ATP8B4: variants seen among roughly 807,000 people sequenced by gnomAD.
The protein encoded by ATP8B4 is ATPase phospholipid transporting 8B4 (putative).
A neutral mutation model predicts 145.6 loss-of-function variants in ATP8B4; 133 were observed. The ratio of observed to expected loss-of-function variants is 0.91; its 90% CI spans 0.79 to 1.05. The LOEUF (loss-of-function observed/expected upper bound fraction) is 1.05, where lower values mean the gene tolerates loss of function less well. ATP8B4 is among the 50% of genes least tolerant of loss of function. The pLI is 0.00. For missense variants in ATP8B4, 1,458 were observed against 1,425.2 expected, an observed-to-expected ratio of 1.02 and a Z score of -0.37; for synonymous variants, 507 against 492.9, an observed-to-expected ratio of 1.03 and a Z score of -0.38.
intron 13 of ATP8B4, among the ~76,000 whole-genome samples, chr15:49,962,894 G>C (rs1465568134): frequency 1.3e-5 from 2 of 151,972 alleles, no homozygotes; most frequent in African/African-American, 4.8e-5. Context: ...CTTGGCATTG[G>C]AAGGTTTCAT....
At position 49,901,136 on chromosome 15, in the gene ATP8B4, T is replaced by C; in HGVS notation, c.2245A>G (p.Thr749Ala). Reference protein sequence around the residue: ...QLELDSIVEETITGDYALIIN... With the variant: ...QLELDSIVEEAITGDYALIIN... ...ATTAAGGCATAATCTCCTGTTATGGTTTCTTCTACAATAGAATCCAACTCC... is the reference window on the plus strand; with the variant it reads ...ATTAAGGCATAATCTCCTGTTATGGCTTCTTCTACAATAGAATCCAACTCC... The change falls in exon 21 of 28, where the codon ACC becomes GCC. Residue 749 changes from threonine (T) to alanine (A), a missense_variant. Coordinates refer to ENST00000284509, the MANE Select transcript of ATP8B4 (RefSeq NM_024837.4). 6.2e-7 allele frequency: 1 copy of C among 1,613,592 alleles called. No homozygotes were observed. The highest frequency in any genetic ancestry group is 8.5e-7 in the Non-Finnish European group (1 of 1,179,662).
chr15:49,880,786 C>T (rs1186174793), intron 23 of ATP8B4: 1 of 151,096 alleles, frequency 6.6e-6, no homozygotes, highest in African/African-American at 2.4e-5. Flanking sequence ...TATCCAATGA[C>T]ATGCTGATAA....
At chr15:49,908,171 C>CA (rs1402599523) in intron 20 of ATP8B4, 1 of 449,902 alleles carries the variant, frequency 2.2e-6, no homozygotes, top group African/African-American at 2.0e-5. Flanking sequence ...GGCACTGTCT[C>CA]AAAACATTTA....
chr15:49,947,437 CAAA>C (rs35281379), intron 14 of ATP8B4, among the ~76,000 whole-genome samples: 1 of 89,048 alleles, frequency 1.1e-5, no homozygotes. Flanking sequence ...GACTCTGTCT[CAAA>C]AAAAAAAAAA....
chr15:50,059,449 G>T (rs764061070), intron 3 of ATP8B4, among the ~76,000 whole-genome samples: 4 of 152,158 alleles, frequency 2.6e-5, no homozygotes, highest in Non-Finnish European at 5.9e-5. Flanking sequence ...CACTAGGAAG[G>T]CCAGCTAGGA....
Position 49,979,741 on chromosome 15 carries a change from C to G in ATP8B4, c.910G>C (p.Asp304His). ...CAAAAGAGGAAAGTTCTGAATTGGTCCCCAGTTTGACTCTCCCAGATTGAA... is the reference window on the plus strand; with the variant it reads ...CAAAAGAGGAAAGTTCTGAATTGGTGCCCAGTTTGACTCTCCCAGATTGAA... Reference protein sequence around the residue: ...GNSIWESQTGDQFRTFLFWNE... With the variant: ...GNSIWESQTGHQFRTFLFWNE... Residue 304 changes from aspartate to histidine, a missense_variant, in exon 12 of 28, where the codon GAC (aspartate) becomes CAC (histidine). By Grantham distance (81) the Asp-to-His change is moderately conservative. Coordinates refer to ENST00000284509, the MANE Select transcript of ATP8B4 (RefSeq NM_024837.4). 6.2e-7 allele frequency: 1 copy of G among 1,611,206 alleles called. No homozygotes were observed. The highest frequency in any genetic ancestry group is 8.5e-7 in the Non-Finnish European group (1 of 1,177,930).
chr15:50,176,781 A>T (rs1390598765), intron 1 of ATP8B4, among the ~76,000 whole-genome samples: 1 of 152,206 alleles, frequency 6.6e-6, no homozygotes, highest in Non-Finnish European at 1.5e-5. Context: ...TCAGAACTAA[A>T]GAGGGCAAAC....
chr15:49,900,401 G>T (rs1350696777), intron 21 of ATP8B4, among the ~76,000 whole-genome samples: 2 of 152,226 alleles, frequency 1.3e-5, no homozygotes, highest in African/African-American at 4.8e-5. Flanking sequence ...CAAAGCCAGA[G>T]AAAGATGTGA....
In ATP8B4 at chr15:49,938,070, T is replaced by A. The variant is rs551690780; in HGVS notation, c.1288-3888A>T. Reference sequence around the variant, plus strand: ...AGGAAATATTCCCAAACAAGTAACATCTAAGCCAAAGCTGAAGAGATGAGC... The same window carrying A: ...AGGAAATATTCCCAAACAAGTAACAACTAAGCCAAAGCTGAAGAGATGAGC... On this transcript the variant is annotated intron_variant, in intron 14 of 27. Coordinates refer to ENST00000284509, the MANE Select transcript of ATP8B4 (RefSeq NM_024837.4). Among the ~76,000 whole-genome samples, 132 of 152,118 alleles carry A rather than the reference T, an allele frequency of 8.7e-4. 1 individual carries two copies. The highest frequency in any genetic ancestry group is 3.0e-3 in the African/African-American group (126 of 41,490).
intron 13 of ATP8B4, among the ~76,000 whole-genome samples, chr15:49,964,911 C>A (rs1445089045): frequency 1.3e-5 from 2 of 152,082 alleles, no homozygotes; most frequent in Non-Finnish European, 2.9e-5. Context: ...TCCAAAAGGT[C>A]CCCAAAACTC....
intron 1 of ATP8B4, among the ~76,000 whole-genome samples, chr15:50,165,847 G>T (rs928450152): frequency 1.3e-5 from 2 of 151,982 alleles, no homozygotes; most frequent in African/African-American, 2.4e-5. Context: ...ACAAACTGGA[G>T]TCAAAGAGAG....
At chr15:49,994,956 G>C (rs2047308957) in intron 9 of ATP8B4, among the ~76,000 whole-genome samples, 2 of 152,106 alleles carry the variant, frequency 1.3e-5, no homozygotes, top group South Asian at 2.1e-4. Context: ...CCTTAGCCCA[G>C]TGCAGTGATC....
chr15:49,963,508 C>T (rs2044267543), intron 13 of ATP8B4, among the ~76,000 whole-genome samples: 1 of 152,176 alleles, frequency 6.6e-6, no homozygotes, highest in Non-Finnish European at 1.5e-5. Context: ...CGGAATTAGC[C>T]TAATGCCCAT....
chr15:49,972,150 A>G (rs2045208144), intron 13 of ATP8B4, among the ~76,000 whole-genome samples: 1 of 152,194 alleles, frequency 6.6e-6, no homozygotes, highest in African/African-American at 2.4e-5. Flanking sequence ...GAGGGATGGC[A>G]TTAGGAGAAA....
chr15:50,141,002 T>G (rs1409318817), intron 1 of ATP8B4, among the ~76,000 whole-genome samples: 1 of 152,138 alleles, frequency 6.6e-6, no homozygotes, highest in African/African-American at 2.4e-5. Flanking sequence ...CTTCTAGAAC[T>G]CCATCATGGA....
intron 26 of ATP8B4, among the ~76,000 whole-genome samples, chr15:49,863,388 T>C (rs866447370): frequency 1.3e-5 from 2 of 152,130 alleles, no homozygotes; most frequent in Admixed American, 6.5e-5. Flanking sequence ...ACATACCCCA[T>C]TGTGGGTTTA....
chr15:49,888,037 C>T (rs567081503), intron 23 of ATP8B4, among the ~76,000 whole-genome samples: 3 of 152,282 alleles, frequency 2.0e-5, no homozygotes, highest in South Asian at 2.1e-4. Flanking sequence ...ATCTAATGAC[C>T]TTTTGGGGGC....
At chr15:50,158,730 A>G (rs943437671) in intron 1 of ATP8B4, among the ~76,000 whole-genome samples, 7 of 152,240 alleles carry the variant, frequency 4.6e-5, no homozygotes, top group Admixed American at 3.9e-4. Context: ...AGAAGTAGAC[A>G]TGGGAGACTT....
At chr15:49,910,492 C>A (rs904179253) in intron 20 of ATP8B4, among the ~76,000 whole-genome samples, 2 of 152,060 alleles carry the variant, frequency 1.3e-5, no homozygotes, top group African/African-American at 4.8e-5. Flanking sequence ...ATACAGGAGG[C>A]CCAGCAATCC....
Sources: gnomAD v4.1 joint callset for allele counts (sites outside exome capture counted in the v4.1 genomes callset) on GRCh38, gnomAD v4.1.1 for gene constraint, MANE v1.5 for transcripts, NCBI Gene and HGNC (gene_info 2026-07-23, HGNC 2026-07-21) for gene names.